Variants in INPP5B observed in about 807,000 individuals in gnomAD.
INPP5B encodes inositol polyphosphate-5-phosphatase B.
In INPP5B, 90 loss-of-function variants were observed where a neutral mutation model predicts 118.5. The observed-to-expected ratio is 0.76, with a 90% CI of 0.64 to 0.90. INPP5B has a LOEUF of 0.90. Ranked by LOEUF, INPP5B falls within the 40% of genes least tolerant of loss-of-function variation. The pLI, the probability that INPP5B is intolerant of heterozygous loss-of-function variation, is 0.00. For missense variants in INPP5B, 984 were observed against 1,125.6 expected (o/e 0.87, Z 1.80); for synonymous variants, 385 against 418.9 (o/e 0.92, Z 0.99).
Position 37,864,084 on chromosome 1 carries a change from G to A in INPP5B, c.2626+228C>T, listed in dbSNP as rs536359382. 2.0e-5 allele frequency among the ~76,000 whole-genome samples: 3 copies of A among 152,116 alleles called. No individual in the cohort carries two copies. The South Asian group carries it at 6.2e-4, about 32-fold the overall frequency. On this transcript the variant is annotated intron_variant, in intron 23 of 23. Coordinates refer to ENST00000373024, the MANE Select transcript of INPP5B (RefSeq NM_005540.3). ...TCCACCTGAGCCTCACAAAGTGCTA[G>A]GACTACAGGTGTGAGCCACCGCCCC...
intron 6 of INPP5B, among the ~76,000 whole-genome samples, chr1:37,937,706 G>T (rs1013122036): frequency 2.6e-5 from 4 of 151,908 alleles, no homozygotes; most frequent in African/African-American, 7.3e-5. Context: ...GGCAGAAGTT[G>T]CAGTAAGCTG....
Position 37,888,315 on chromosome 1 carries a change from C to A in INPP5B, c.827G>T (p.Gly276Val). The change falls in exon 10 of 24, where the codon GGG becomes GTG. Residue 276 changes from glycine to valine, a missense_variant. Physicochemically the swap from Gly to Val is moderately radical, Grantham distance 109. Transcript: ENST00000373024. Reference protein sequence around the residue: ...RFFAGTYNVNGQSPKECLRLW... With the variant: ...RFFAGTYNVNVQSPKECLRLW... Reference sequence around the variant, plus strand: ...CCGGAGGCATTCTTTGGGGGACTGCCCATTTACATTGTATGTTCCCGCAAA... The same window carrying A: ...CCGGAGGCATTCTTTGGGGGACTGCACATTTACATTGTATGTTCCCGCAAA... The A allele has an allele frequency of 6.4e-7, 1 of 1,566,736 alleles. No homozygotes were observed. The highest frequency in any genetic ancestry group is 1.9e-5 in the Admixed American group (1 of 52,236).
Position 37,880,147 on chromosome 1 carries a change from CT to C in INPP5B, c.1478del (p.Glu493GlyfsTer44). The part of the protein sequence containing the change: ...AAKTVFEGFT[E>X]GELTFQPTYK... The stretch of plus-strand genomic sequence containing the variant: ...AAGTAGGCTGGAATGTGAGCTCACC[CT>C]CTGTGAAGCCTTCAAAGACAGTCTT... On this transcript the variant is annotated frameshift_variant, in exon 15 of 24. Transcript: ENST00000373024. LOFTEE classifies it high-confidence loss of function. 1 of 1,612,052 alleles carries C rather than the reference CT, an allele frequency of 6.2e-7. No homozygotes were observed. Among genetic ancestry groups the C allele is most frequent in the Non-Finnish European group, 8.5e-7 (1 of 1,178,560 alleles).
At chr1:37,920,613 C>T (rs968239050) in intron 7 of INPP5B, among the ~76,000 whole-genome samples, 1 of 150,936 alleles carries the variant, frequency 6.6e-6, no homozygotes, top group African/African-American at 2.4e-5. Context: ...TGCAGTGAGC[C>T]GAGATCAAAC....
chr1:37,863,166 G>A (rs1484060398), intron 23 of INPP5B, among the ~76,000 whole-genome samples: 1 of 151,670 alleles, frequency 6.6e-6, no homozygotes, highest in Non-Finnish European at 1.5e-5. Context: ...GGCTCCCACT[G>A]GCTCCCAGCC....
intron 7 of INPP5B, among the ~76,000 whole-genome samples, chr1:37,910,290 G>GT (rs1437513440): frequency 1.3e-5 from 2 of 152,138 alleles, no homozygotes; most frequent in Non-Finnish European, 2.9e-5. Context: ...CATAACTGTT[G>GT]TGGGTATTGA....
Position 37,935,338 on chromosome 1 carries a change from C to T in INPP5B, c.392-3285G>A, listed in dbSNP as rs527902457. 1.4e-3 allele frequency among the ~76,000 whole-genome samples: 210 copies of T among 150,698 alleles called. 1 individual carries two copies. Among genetic ancestry groups the T allele is most frequent in the African/African-American group, 4.7e-3 (194 of 41,134 alleles). ...TCCCGAGTAGCTGGGACTACAGGCA[C>T]GTGCCACCACGCCTGGCTAATTTTT... On this transcript the variant is annotated intron_variant, in intron 6 of 23. Coordinates refer to ENST00000373024, the MANE Select transcript of INPP5B (RefSeq NM_005540.3).
chr1:37,882,580 T>C (rs761449762), intron 14 of INPP5B, among the ~76,000 whole-genome samples: 26 of 152,142 alleles, frequency 1.7e-4, no homozygotes, highest in Non-Finnish European at 2.5e-4. Context: ...AGAGAGAACA[T>C]GCTCTTGCTC....
chr1:37,945,537 G>A (rs903778970), intron 3 of INPP5B, among the ~76,000 whole-genome samples: 7 of 152,226 alleles, frequency 4.6e-5, no homozygotes, highest in African/African-American at 1.4e-4. Flanking sequence ...ATGTTAAACT[G>A]TCTCTTCTCA....
intron 5 of INPP5B, among the ~76,000 whole-genome samples, chr1:37,941,002 G>A (rs1489305797): frequency 6.6e-6 from 1 of 152,086 alleles, no homozygotes; most frequent in Non-Finnish European, 1.5e-5. Flanking sequence ...TCTTTATACA[G>A]GAGGCAGAAG....
In INPP5B at chr1:37,946,274, G is replaced by A. The variant is rs1233827956; in HGVS notation, c.35C>T (p.Ala12Val). 8.7e-6 allele frequency: 14 copies of A among 1,611,802 alleles called. No homozygotes were observed. The highest frequency in any genetic ancestry group is 1.2e-5 in the Non-Finnish European group (14 of 1,179,122). The part of the protein sequence containing the change: ...DQSVAIQETL[A>V]EGEYCVIAVQ... ...TATGATGACGCAGTATTCCCCCTCAGCCAGCGTCTCCTGGATTGCCACAGA... is the reference window on the plus strand; with the variant it reads ...TATGATGACGCAGTATTCCCCCTCAACCAGCGTCTCCTGGATTGCCACAGA... Residue 12 changes from alanine to valine, a missense_variant, in exon 2 of 24, where the codon GCT becomes GTT. Coordinates refer to ENST00000373024, the MANE Select transcript of INPP5B (RefSeq NM_005540.3).
intron 7 of INPP5B, among the ~76,000 whole-genome samples, chr1:37,923,425 G>A (rs1472993628): frequency 6.6e-6 from 1 of 152,134 alleles, no homozygotes; most frequent in Non-Finnish European, 1.5e-5. Flanking sequence ...ACTATACTAA[G>A]GAATTTGAGC....
chr1:37,897,593 C>G (rs1180284162), intron 7 of INPP5B, among the ~76,000 whole-genome samples: 5 of 150,670 alleles, frequency 3.3e-5, no homozygotes, highest in Admixed American at 6.6e-5. Context: ...GACACAAACA[C>G]TGCGGAAGGC....
At chr1:37,875,456 G>C in intron 17 of INPP5B, 150 bp downstream of exon 17, 1 of 571,292 alleles carries the variant, frequency 1.8e-6, no homozygotes, top group Non-Finnish European at 3.2e-6. Context: ...TTTTAGTAGA[G>C]ACAGGGTTTC....
intron 23 of INPP5B, 128 bp from the exon 24 acceptor site, chr1:37,862,558 TAGC>T (rs763420645): frequency 1.5e-6 from 1 of 665,352 alleles, no homozygotes; most frequent in Non-Finnish European, 2.7e-6. Flanking sequence ...GCAAACATCA[TAGC>T]GTGTACTTAA....
At chr1:37,902,114 A>G (rs1010358309) in intron 7 of INPP5B, among the ~76,000 whole-genome samples, 6 of 151,594 alleles carry the variant, frequency 4.0e-5, no homozygotes, top group Non-Finnish European at 7.4e-5. Flanking sequence ...GCCTCTCAAG[A>G]AAGCTGGGAT....
chr1:37,873,009 C>A lies in INPP5B; in HGVS notation c.2108G>T (p.Cys703Phe). The change falls in exon 19 of 24, where the codon TGT becomes TTT. Residue 703 changes from cysteine (C) to phenylalanine (F), a missense_variant. Physicochemically the swap from Cys to Phe is radical, Grantham distance 205. Coordinates refer to ENST00000373024, the MANE Select transcript of INPP5B (RefSeq NM_005540.3). ...CAGTGTATGAATGGGAGACCCAAAA[C>A]AGCTGGGCAGGTAGTTCCCAGACAC... ...LSVSGNYLPS[C>F]FGSPIHTLCY... 1 of 1,614,154 alleles carries A rather than the reference C, an allele frequency of 6.2e-7. No individual in the cohort carries two copies. Among genetic ancestry groups the A allele is most frequent in the Non-Finnish European group, 8.5e-7 (1 of 1,180,022 alleles).
intron 19 of INPP5B, among the ~76,000 whole-genome samples, chr1:37,871,000 T>TA (rs1056466469): frequency 1.6e-5 from 2 of 128,472 alleles, no homozygotes; most frequent in African/African-American, 5.9e-5. Context: ...ACTAAAAATA[T>TA]AAAAAAATTA....
At chr1:37,895,647 C>A (rs938497326) in intron 7 of INPP5B, among the ~76,000 whole-genome samples, 2 of 152,100 alleles carry the variant, frequency 1.3e-5, no homozygotes, top group Non-Finnish European at 2.9e-5. Context: ...CGAGTGCCTG[C>A]GATTGCAGGC....
Sources: gnomAD v4.1 joint callset for allele counts (sites outside exome capture counted in the v4.1 genomes callset) on GRCh38, gnomAD v4.1.1 for gene constraint, MANE v1.5 for transcripts, NCBI Gene and HGNC (gene_info 2026-07-23, HGNC 2026-07-21) for gene names.